Variants in DDX10 observed in about 807,000 individuals in gnomAD.
DDX10 encodes DEAD-box helicase 10.
DDX10 carries 74 observed loss-of-function variants against 104.3 expected under a neutral mutation model. The observed-to-expected ratio is 0.71, with a 90% CI of 0.59 to 0.86. DDX10 has a LOEUF of 0.86. Ranked by LOEUF, DDX10 falls within the 40% of genes least tolerant of loss-of-function variation. The probability of loss-of-function intolerance (pLI) is 0.00; values close to 1 mark genes in which losing one functional copy is unlikely to be tolerated. For missense variants in DDX10, 952 were observed against 1,040.0 expected, an observed-to-expected ratio of 0.92 and a Z score of 1.16; for synonymous variants, 351 against 353.4, an observed-to-expected ratio of 0.99 and a Z score of 0.08.
intron 13 of DDX10, among the ~76,000 whole-genome samples, chr11:108,736,331 C>T (rs1371370858): frequency 6.6e-6 from 1 of 151,912 alleles, no homozygotes; most frequent in Non-Finnish European, 1.5e-5. Context: ...TGTGTGTATT[C>T]GTAACATAGT....
chr11:108,813,350 C>T (rs927204617), intron 13 of DDX10, among the ~76,000 whole-genome samples: 1 of 152,100 alleles, frequency 6.6e-6, no homozygotes, highest in Non-Finnish European at 1.5e-5. Flanking sequence ...TGAAGTTTAC[C>T]TTTACATGTC....
At chr11:108,671,854 T>A (rs1021960660) in intron 1 of DDX10, among the ~76,000 whole-genome samples, 1 of 151,630 alleles carries the variant, frequency 6.6e-6, no homozygotes, top group Admixed American at 6.6e-5. Context: ...GGTCAGGAGA[T>A]CAAGACCATC....
At chr11:108,809,689 C>T (rs1350324199) in intron 13 of DDX10, among the ~76,000 whole-genome samples, 1 of 152,184 alleles carries the variant, frequency 6.6e-6, no homozygotes. Flanking sequence ...AGTCTGCCTT[C>T]ATGGAACTCA....
Position 108,902,607 on chromosome 11 carries a change from C to G in DDX10, c.2305-15266C>G, listed in dbSNP as rs902153303. On this transcript the variant is annotated intron_variant, in intron 16 of 17. Transcript: ENST00000322536. ...CTAAAAAGTTAAGGATTTTTTTTCT[C>G]TCATTGAATATTCACTTTGTTAACT... Among the ~76,000 whole-genome samples the G allele has an allele frequency of 4.6e-5, 7 of 152,092 alleles. No homozygotes were observed. In the South Asian group the frequency reaches 6.2e-4, roughly 14 times the overall value.
chr11:108,917,553 C>T (rs1863767349), intron 16 of DDX10, among the ~76,000 whole-genome samples: 1 of 152,096 alleles, frequency 6.6e-6, no homozygotes, highest in South Asian at 2.1e-4. Flanking sequence ...AGGAGCATGC[C>T]ACAGCACCTG....
intron 16 of DDX10, among the ~76,000 whole-genome samples, chr11:108,917,481 T>C (rs1275041359): frequency 2.0e-5 from 3 of 152,134 alleles, no homozygotes; most frequent in African/African-American, 7.2e-5. Flanking sequence ...TGTGTACTGC[T>C]GCCTCAAACT....
chr11:108,752,275 C>G (rs2094339649), intron 13 of DDX10, among the ~76,000 whole-genome samples: 1 of 152,090 alleles, frequency 6.6e-6, no homozygotes, highest in South Asian at 2.1e-4. Flanking sequence ...TACCGGGTTC[C>G]TCTTGCTTCT....
At chr11:108,884,571 A>G (rs2553762) in intron 16 of DDX10, among the ~76,000 whole-genome samples, 22,932 of 152,182 alleles carry the variant, frequency 0.15, 2,126 homozygotes, top group East Asian at 0.27. Flanking sequence ...GTAACTCAGA[A>G]GTCACAGCAC....
intron 13 of DDX10, among the ~76,000 whole-genome samples, chr11:108,838,136 C>A (rs183484311): frequency 1.5e-4 from 22 of 150,972 alleles, no homozygotes; most frequent in Middle Eastern, 3.4e-3. Context: ...TTATCTTATG[C>A]CCATTTATTA....
At chr11:108,679,326 G>C in intron 5 of DDX10, 45 bp from the exon 6 acceptor site, 1 of 1,485,832 alleles carries the variant, frequency 6.7e-7, no homozygotes, top group Non-Finnish European at 9.0e-7. Flanking sequence ...TTAGCCTAAT[G>C]TATATTTTAC....
intron 17 of DDX10, among the ~76,000 whole-genome samples, chr11:108,938,189 A>G (rs1278312861): frequency 2.6e-5 from 4 of 152,206 alleles, no homozygotes; most frequent in Admixed American, 6.5e-5. Flanking sequence ...TAGAATGCCT[A>G]TACTGTTGTT....
chr11:108,767,743 C>T (rs1386454535), intron 13 of DDX10, among the ~76,000 whole-genome samples: 2 of 152,120 alleles, frequency 1.3e-5, no homozygotes, highest in East Asian at 1.9e-4. Context: ...CTATATAATC[C>T]TGGACATATA....
chr11:108,903,258 C>T (rs891914388), intron 16 of DDX10, among the ~76,000 whole-genome samples: 2 of 152,170 alleles, frequency 1.3e-5, no homozygotes, highest in African/African-American at 4.8e-5. Context: ...AATCTACCTT[C>T]TGTCTCCATG....
intron 1 of DDX10, among the ~76,000 whole-genome samples, chr11:108,671,825 C>T (rs930957661): frequency 4.0e-5 from 6 of 151,848 alleles, no homozygotes; most frequent in East Asian, 1.9e-4. Flanking sequence ...TTTGGGAAGC[C>T]GAGGCGGGTG....
At chr11:108,764,015 G>A (rs953029315) in intron 13 of DDX10, among the ~76,000 whole-genome samples, 2 of 152,142 alleles carry the variant, frequency 1.3e-5, no homozygotes, top group African/African-American at 2.4e-5. Flanking sequence ...GAGAATTGTA[G>A]AAATAGGCCA....
At chr11:108,876,086 T>C (rs564800554) in intron 16 of DDX10, among the ~76,000 whole-genome samples, 10 of 152,306 alleles carry the variant, frequency 6.6e-5, no homozygotes, top group African/African-American at 2.2e-4. Flanking sequence ...TTAAGAAATA[T>C]TAGGTCGAAT....
chr11:108,750,720 A>G (rs1272546306), intron 13 of DDX10, among the ~76,000 whole-genome samples: 4 of 151,150 alleles, frequency 2.6e-5, no homozygotes, highest in Non-Finnish European at 3.0e-5. Flanking sequence ...TCTTATATAT[A>G]TGAATTTCAT....
intron 17 of DDX10, among the ~76,000 whole-genome samples, chr11:108,924,138 CAG>C: frequency 6.6e-6 from 1 of 151,952 alleles, no homozygotes; most frequent in East Asian, 1.9e-4. Context: ...CCGGATGTTC[CAG>C]ATGTTCATTA....
chr11:108,858,060 G>C (rs1255844474), intron 16 of DDX10, among the ~76,000 whole-genome samples: 1 of 152,134 alleles, frequency 6.6e-6, no homozygotes, highest in Non-Finnish European at 1.5e-5. Context: ...TGAAAAATTA[G>C]GAAACATTTA....
Sources: gnomAD v4.1 joint callset for allele counts (sites outside exome capture counted in the v4.1 genomes callset) on GRCh38, gnomAD v4.1.1 for gene constraint, MANE v1.5 for transcripts, NCBI Gene and HGNC (gene_info 2026-07-23, HGNC 2026-07-21) for gene names.